MARCHF1: variants seen among roughly 807,000 people sequenced by gnomAD.
The protein encoded by MARCHF1 is membrane associated ring-CH-type finger 1, also known as E3 ubiquitin-protein ligase MARCHF1.
A neutral mutation model predicts 54.2 loss-of-function variants in MARCHF1; 40 were observed. The observed-to-expected ratio is 0.74, with a 90% CI of 0.57 to 0.96. MARCHF1 has a LOEUF of 0.96. Ranked by LOEUF, MARCHF1 falls within the 40% of genes least tolerant of loss-of-function variation. The probability of loss-of-function intolerance (pLI) is 0.00; values close to 1 mark genes in which losing one functional copy is unlikely to be tolerated. For synonymous variants in MARCHF1, 236 were observed against 236.3 expected (o/e 1.00, Z 0.01); for missense variants, 586 against 656.5 (o/e 0.89, Z 1.17).
chr4:163,922,386 TTGAGG>T (rs1307708940), intron 3 of MARCHF1, among the ~76,000 whole-genome samples: 1 of 151,944 alleles, frequency 6.6e-6, no homozygotes, highest in Admixed American at 6.6e-5. Flanking sequence ...ATCAATATCG[TTGAGG>T]TTTTTCATGT....
At chr4:164,072,611 T>A (rs1754891868) in intron 2 of MARCHF1, among the ~76,000 whole-genome samples, 1 of 151,714 alleles carries the variant, frequency 6.6e-6, no homozygotes, top group Non-Finnish European at 1.5e-5. Context: ...ACTTTAAATG[T>A]TCTCATTATT....
At chr4:164,285,684 C>T (rs77284522) in intron 1 of MARCHF1, among the ~76,000 whole-genome samples, 1 of 151,634 alleles carries the variant, frequency 6.6e-6, no homozygotes, top group Non-Finnish European at 1.5e-5. Context: ...CCTCGTGATC[C>T]ACCAGCGACC....
chr4:164,056,147 G>C (rs1754484244), intron 2 of MARCHF1, among the ~76,000 whole-genome samples: 1 of 152,172 alleles, frequency 6.6e-6, no homozygotes, highest in Non-Finnish European at 1.5e-5. Flanking sequence ...CTAGTGCAAT[G>C]ATGCGCTGGC....
Position 163,584,369 on chromosome 4 carries a change from T to C in MARCHF1, c.1191+1380A>G, listed in dbSNP as rs572844601. 10 of 152,228 alleles carry C rather than the reference T, an allele frequency of 6.6e-5. No homozygotes were observed. The East Asian group carries it at 1.7e-3, about 26-fold the overall frequency. The allele number at this position is 152,228 out of a possible 1,614,324, so 9.4% of individuals were successfully genotyped here. The stretch of plus-strand genomic sequence containing the variant: ...ATAGATTCTATGAAATAATTTGTAG[T>C]TCCCTGAGAACTAAGAAAAAACATT... On this transcript the variant is annotated intron_variant, in intron 8 of 9. Transcript: ENST00000514618.
intron 4 of MARCHF1, among the ~76,000 whole-genome samples, chr4:163,819,706 T>C (rs974836090): frequency 6.6e-6 from 1 of 152,098 alleles, no homozygotes; most frequent in Non-Finnish European, 1.5e-5. Flanking sequence ...GAAATGTCTT[T>C]ATCGTCCTAA....
chr4:163,906,472 T>C (rs980649664), intron 3 of MARCHF1, among the ~76,000 whole-genome samples: 33 of 151,044 alleles, frequency 2.2e-4, no homozygotes, highest in African/African-American at 7.9e-4. Context: ...ATATTTTTTT[T>C]TCAAATACAA....
chr4:163,608,163 T>C (rs777665827), intron 7 of MARCHF1, among the ~76,000 whole-genome samples: 1 of 152,156 alleles, frequency 6.6e-6, no homozygotes, highest in Non-Finnish European at 1.5e-5. Context: ...ATAATGCCTA[T>C]ATTTTAGCAA....
In MARCHF1 at chr4:164,148,476, T is replaced by C. The variant is rs146095275; in HGVS notation, c.-322-36814A>G. Among the ~76,000 whole-genome samples, 897 of 152,218 alleles carry C rather than the reference T, an allele frequency of 5.9e-3. 9 individuals carry two copies. The highest frequency in any genetic ancestry group is 0.021 in the African/African-American group (857 of 41,554). ...AATCTTTATCCCATTCTACCATTTC[T>C]TTATCCTTTTCCTAATTTCTTTATT... On this transcript the variant is annotated intron_variant, in intron 1 of 9. Transcript: ENST00000514618.
At chr4:163,712,537 C>T (rs1007809685) in intron 4 of MARCHF1, among the ~76,000 whole-genome samples, 3 of 152,176 alleles carry the variant, frequency 2.0e-5, no homozygotes, top group Non-Finnish European at 4.4e-5. Context: ...TTACTTCAAA[C>T]CTTTTTGTTC....
At chr4:164,239,025 T>C (rs1188834247) in intron 1 of MARCHF1, among the ~76,000 whole-genome samples, 1 of 152,066 alleles carries the variant, frequency 6.6e-6, no homozygotes, top group Admixed American at 6.6e-5. Context: ...TGAATACCTA[T>C]GGATCACCAT....
intron 2 of MARCHF1, among the ~76,000 whole-genome samples, chr4:164,105,974 T>C (rs996161389): frequency 5.8e-4 from 86 of 147,768 alleles, no homozygotes; most frequent in African/African-American, 2.0e-3. Context: ...CAGACACTTC[T>C]CAAAAGAAGA....
At chr4:163,547,498 AAGTGGG>A (rs1469107107) in intron 8 of MARCHF1, among the ~76,000 whole-genome samples, 2 of 152,212 alleles carry the variant, frequency 1.3e-5, no homozygotes, top group Non-Finnish European at 2.9e-5. Context: ...ATTCATAATT[AAGTGGG>A]AGAGTGTTCA....
chr4:164,044,469 A>AG (rs1754198143), intron 2 of MARCHF1, among the ~76,000 whole-genome samples: 1 of 152,158 alleles, frequency 6.6e-6, no homozygotes. Context: ...CATGAGATCA[A>AG]GGGGGAAGTC....
chr4:163,536,191 T>G (rs2110883296), intron 9 of MARCHF1, among the ~76,000 whole-genome samples: 1 of 152,294 alleles, frequency 6.6e-6, no homozygotes, highest in Non-Finnish European at 1.5e-5. Context: ...TTCAATGTGT[T>G]TAGAAAGCTT....
intron 3 of MARCHF1, among the ~76,000 whole-genome samples, chr4:163,962,692 G>A (rs936793058): frequency 1.6e-4 from 25 of 151,888 alleles, no homozygotes; most frequent in African/African-American, 5.5e-4. Flanking sequence ...TTTAGATACC[G>A]TAGTAATATA....
intron 1 of MARCHF1, among the ~76,000 whole-genome samples, chr4:164,177,806 G>GACACACAC (rs3059817): frequency 2.7e-3 from 402 of 149,306 alleles, no homozygotes; most frequent in African/African-American, 6.9e-3. Flanking sequence ...GTATGAAAGA[G>GACACACAC]ACACACACAC....
At chr4:163,986,273 T>C (rs1247018464) in intron 3 of MARCHF1, among the ~76,000 whole-genome samples, 1 of 62,902 alleles carries the variant, frequency 1.6e-5, no homozygotes, top group African/African-American at 4.7e-5. Context: ...TTTTTTTTTT[T>C]TTTTTTTGAG....
intron 8 of MARCHF1, among the ~76,000 whole-genome samples, chr4:163,578,344 AAGAAAGAAACAGAATT>A (rs1740106816): frequency 6.6e-6 from 1 of 152,140 alleles, no homozygotes; most frequent in Non-Finnish European, 1.5e-5. Context: ...ATCATTTTCA[AAGAAAGAAACAGAATT>A]AACAGAATTA....
intron 3 of MARCHF1, among the ~76,000 whole-genome samples, chr4:163,947,320 C>T (rs1335703627): frequency 6.6e-6 from 1 of 152,250 alleles, no homozygotes; most frequent in East Asian, 1.9e-4. Context: ...GCTATGGTAG[C>T]CAGAATAATG....
Sources: gnomAD v4.1 joint callset for allele counts (sites outside exome capture counted in the v4.1 genomes callset) on GRCh38, gnomAD v4.1.1 for gene constraint, MANE v1.5 for transcripts, NCBI Gene and HGNC (gene_info 2026-07-23, HGNC 2026-07-21) for gene names.